Variants in TAFA1 observed in about 807,000 individuals in gnomAD.
The protein encoded by TAFA1 is chemokine-like protein TAFA-1.
TAFA1 carries 4 observed loss-of-function variants against 18.5 expected under a neutral mutation model. The observed-to-expected ratio is 0.22, with a 90% confidence interval of 0.11 to 0.49. TAFA1 has a LOEUF of 0.49. TAFA1 is among the 20% of genes least tolerant of loss of function. The probability of loss-of-function intolerance (pLI) is 0.98; values close to 1 mark genes in which losing one functional copy is unlikely to be tolerated. For synonymous variants in TAFA1, 56 were observed against 55.2 expected (o/e 1.01, Z -0.06); for missense variants, 147 against 169.0 (o/e 0.87, Z 0.72).
intron 2 of TAFA1, among the ~76,000 whole-genome samples, chr3:68,174,881 C>A (rs1014226794): frequency 1.3e-5 from 2 of 152,198 alleles, no homozygotes; most frequent in African/African-American, 2.4e-5. Flanking sequence ...GGCTGCCCCT[C>A]CCATCACAGG....
intron 2 of TAFA1, among the ~76,000 whole-genome samples, chr3:68,339,983 C>G (rs1186491510): frequency 6.6e-6 from 1 of 152,200 alleles, no homozygotes; most frequent in Non-Finnish European, 1.5e-5. Flanking sequence ...TTTGTTCCAC[C>G]AAGGAGTTTC....
intron 3 of TAFA1, among the ~76,000 whole-genome samples, chr3:68,530,914 C>T (rs757319482): frequency 6.6e-6 from 1 of 151,952 alleles, no homozygotes; most frequent in Non-Finnish European, 1.5e-5. Flanking sequence ...ATACAGAATC[C>T]ATGGACTCAT....
chr3:68,413,878 G>C (rs1269438370), intron 2 of TAFA1, among the ~76,000 whole-genome samples: 1 of 152,110 alleles, frequency 6.6e-6, no homozygotes, highest in Non-Finnish European at 1.5e-5. Flanking sequence ...AGTGAGGAGT[G>C]GGTGAGCCAG....
chr3:68,389,981 G>A (rs892605793), intron 2 of TAFA1, among the ~76,000 whole-genome samples: 11 of 152,120 alleles, frequency 7.2e-5, no homozygotes, highest in African/African-American at 2.7e-4. Flanking sequence ...TTGTACCCCA[G>A]TGGTGCCTGG....
intron 2 of TAFA1, among the ~76,000 whole-genome samples, chr3:68,074,294 C>T (rs1376582415): frequency 2.0e-5 from 3 of 152,132 alleles, no homozygotes; most frequent in African/African-American, 7.2e-5. Flanking sequence ...TGCTGCTTAC[C>T]TCCCTCCTAC....
chr3:68,184,384 A>G (rs1035140396), intron 2 of TAFA1, among the ~76,000 whole-genome samples: 1 of 152,094 alleles, frequency 6.6e-6, no homozygotes, highest in Non-Finnish European at 1.5e-5. Context: ...AAATTATTAG[A>G]GTCTGTATTT....
intron 3 of TAFA1, among the ~76,000 whole-genome samples, chr3:68,470,214 A>G (rs1228046825): frequency 6.6e-6 from 1 of 152,184 alleles, no homozygotes; most frequent in East Asian, 1.9e-4. Flanking sequence ...ACCTTCTGCC[A>G]TGATTGGGAA....
chr3:68,305,409 CTATATATATATATATATATATATATATA>C (rs773025236), intron 2 of TAFA1, among the ~76,000 whole-genome samples: 13 of 38,202 alleles, frequency 3.4e-4, no homozygotes, highest in South Asian at 1.2e-3. Context: ...GACTATATGA[CTATATATATATATATATATATATATATA>C]TATATATATA....
chr3:68,099,054 T>A (rs184519094), intron 2 of TAFA1, among the ~76,000 whole-genome samples: 206 of 152,264 alleles, frequency 1.4e-3, no homozygotes, highest in Middle Eastern at 6.8e-3. Flanking sequence ...GTAAAAATCT[T>A]ATAAGAAAAC....
In TAFA1 at chr3:68,010,089, A is replaced by G. The variant is rs147112279; in HGVS notation, c.118+3345A>G. 2.2e-3 allele frequency among the ~76,000 whole-genome samples: 339 copies of G among 152,332 alleles called. 1 individual carries two copies. The highest frequency in any genetic ancestry group is 7.7e-3 in the African/African-American group (322 of 41,580). ...CCTCTTTCATAAAGCAAGAGCAGGCAGACTCCGCGTGCATACCAAGTATCT... is the reference window on the plus strand; with the variant it reads ...CCTCTTTCATAAAGCAAGAGCAGGCGGACTCCGCGTGCATACCAAGTATCT... On this transcript the variant is annotated intron_variant, in intron 2 of 4. Coordinates refer to ENST00000478136, the MANE Select transcript of TAFA1 (RefSeq NM_213609.4).
At chr3:68,041,779 A>G (rs12497186) in intron 2 of TAFA1, among the ~76,000 whole-genome samples, 88,679 of 152,034 alleles carry the variant, frequency 0.58, 26,403 homozygotes, top group East Asian at 0.67. Flanking sequence ...AATGTATCTT[A>G]TCTACAGTAA....
chr3:68,178,402 CA>C lies in TAFA1; in HGVS notation c.118+171663del, dbSNP rs557664544. ...TAATATTGTAGTGGAAGGAACAGAC[CA>C]AAAACGTTATCAAAGAAGTAAAATG... On this transcript the variant is annotated intron_variant, in intron 2 of 4. Coordinates refer to ENST00000478136, the MANE Select transcript of TAFA1 (RefSeq NM_213609.4). 7.8e-4 allele frequency among the ~76,000 whole-genome samples: 119 copies of C among 152,104 alleles called. 1 individual carries two copies. The highest frequency in any genetic ancestry group is 1.9e-3 in the Admixed American group (29 of 15,268).
rs57059146 is a variant in TAFA1, at chr3:68,439,412, C to CATATATATATATATATATATAT, written c.259+22003_259+22024dup. On this transcript the variant is annotated intron_variant, in intron 3 of 4. Coordinates refer to ENST00000478136, the MANE Select transcript of TAFA1 (RefSeq NM_213609.4). ...AGAAGTAATAGAATATATATACATA[C>CATATATATATATATATATATAT]ATATATATATATATATATATATATA... Among the ~76,000 whole-genome samples, 569 of 73,310 alleles carry CATATATATATATATATATATAT rather than the reference C, an allele frequency of 7.8e-3. 33 individuals are homozygous for CATATATATATATATATATATAT. The highest frequency in any genetic ancestry group is 9.8e-3 in the Non-Finnish European group (403 of 41,302). The allele number at this position is 73,310 out of a possible 152,430, so 48.1% of individuals were successfully genotyped here. A position where few individuals can be genotyped will look rare whatever the true frequency, so the allele number is the denominator to read the frequency against.
chr3:68,250,921 T>C (rs987478567), intron 2 of TAFA1: 3 of 152,136 alleles, frequency 2.0e-5, no homozygotes, highest in African/African-American at 7.2e-5. Flanking sequence ...GGTAATGTAA[T>C]AGTAATTTTT....
the TAFA1 span, among the ~76,000 whole-genome samples, chr3:67,998,191 AT>A: frequency 6.6e-6 from 1 of 152,214 alleles, no homozygotes; most frequent in African/African-American, 2.4e-5. Context: ...TAGGTTATAG[AT>A]GACTTTTAAA....
chr3:68,102,635 T>C (rs1014163399), intron 2 of TAFA1, among the ~76,000 whole-genome samples: 10 of 152,200 alleles, frequency 6.6e-5, no homozygotes, highest in African/African-American at 2.4e-4. Flanking sequence ...TATAAGTTTA[T>C]TGGTACATTT....
intron 2 of TAFA1, among the ~76,000 whole-genome samples, chr3:68,254,659 G>A (rs2067263477): frequency 1.3e-5 from 2 of 152,010 alleles, no homozygotes; most frequent in Non-Finnish European, 2.9e-5. Context: ...TAAGGTAAAG[G>A]AAGGGTAAAG....
At chr3:68,411,706 C>T (rs2106780245) in intron 2 of TAFA1, among the ~76,000 whole-genome samples, 1 of 152,214 alleles carries the variant, frequency 6.6e-6, no homozygotes, top group African/African-American at 2.4e-5. Flanking sequence ...GGTAACTGAG[C>T]CCCCTTGGAT....
At chr3:68,320,099 G>A (rs2106703244) in intron 2 of TAFA1, among the ~76,000 whole-genome samples, 1 of 152,144 alleles carries the variant, frequency 6.6e-6, no homozygotes, top group African/African-American at 2.4e-5. Context: ...TTGAGGTGAG[G>A]GTAGAATATA....
Sources: allele counts gnomAD v4.1 joint callset (sites outside exome capture counted in the v4.1 genomes callset), GRCh38; gene constraint gnomAD v4.1.1; transcripts MANE v1.5; gene names NCBI Gene and HGNC (gene_info 2026-07-23, HGNC 2026-07-21).